MYO9A: variants seen among roughly 807,000 people sequenced by gnomAD.
MYO9A encodes the protein unconventional myosin-IXa.
Under a neutral mutation model 293.3 loss-of-function variants are expected in MYO9A, and 103 were observed. The observed-to-expected ratio is 0.35, with a 90% confidence interval of 0.30 to 0.41. The LOEUF (loss-of-function observed/expected upper bound fraction) is 0.41. Ranked by LOEUF, MYO9A falls within the 10% of genes least tolerant of loss-of-function variation. The pLI, the probability that MYO9A is intolerant of heterozygous loss-of-function variation, is 1.00. For synonymous variants in MYO9A, 1,001 were observed against 1,035.7 expected, an observed-to-expected ratio of 0.97 and a Z score of 0.64; for missense variants, 2,685 against 3,033.0, an observed-to-expected ratio of 0.89 and a Z score of 2.69.
At position 72,084,378 on chromosome 15, in the gene MYO9A, G is replaced by A. The variant is rs892842841; in HGVS notation, c.-72+33302C>T. 1.3e-4 allele frequency among the ~76,000 whole-genome samples: 20 copies of A among 151,802 alleles called. 1 individual carries two copies. The highest frequency in any genetic ancestry group is 1.3e-3 in the Admixed American group (20 of 15,236). Reference sequence around the variant, plus strand: ...TCCATCCCTCTATTTTGAGCCCATGGGTGTCACTGCATAGGAGATGCACTA... The same window carrying A: ...TCCATCCCTCTATTTTGAGCCCATGAGTGTCACTGCATAGGAGATGCACTA... On this transcript the variant is annotated intron_variant, in intron 1 of 41. Transcript: ENST00000356056.
rs759338389 is a variant in MYO9A, at chr15:71,826,679, T to TG, written c.7547dup (p.Glu2517ArgfsTer28). ...TGCGGCCAGACATGACTGTCCCCTC[T>TG]GGGGTCTCTTTGGTTTTCTGAGGTG... On this transcript the variant is annotated frameshift_variant, in exon 42 of 42. Coordinates refer to ENST00000356056, the MANE Select transcript of MYO9A (RefSeq NM_006901.4). LOFTEE classifies it high-confidence loss of function. 11 of 1,614,124 alleles carry TG rather than the reference T, an allele frequency of 6.8e-6. No homozygotes were observed. The South Asian group carries it at 1.2e-4, about 18-fold the overall frequency.
At chr15:72,085,255 T>C (rs1432299787) in intron 1 of MYO9A, among the ~76,000 whole-genome samples, 1 of 152,124 alleles carries the variant, frequency 6.6e-6, no homozygotes, top group East Asian at 1.9e-4. Flanking sequence ...TAGCTGGGTG[T>C]GGTGGCACAG....
chr15:72,002,659 A>T (rs2076901991), intron 8 of MYO9A, among the ~76,000 whole-genome samples: 1 of 152,244 alleles, frequency 6.6e-6, no homozygotes, highest in Non-Finnish European at 1.5e-5. Flanking sequence ...GAAAACATGC[A>T]AAACTATGTA....
At chr15:71,938,800 T>C in intron 16 of MYO9A, 52 bp downstream of exon 16, 1 of 1,421,500 alleles carries the variant, frequency 7.0e-7, no homozygotes, top group Non-Finnish European at 9.7e-7. Flanking sequence ...TCAATAAGAA[T>C]GTTAGTTATT....
chr15:72,050,667 T>C (rs1566985832), intron 1 of MYO9A, among the ~76,000 whole-genome samples: 1 of 152,084 alleles, frequency 6.6e-6, no homozygotes, highest in African/African-American at 2.4e-5. Flanking sequence ...AAATGTACAT[T>C]ACCAGGCTCA....
In MYO9A at chr15:71,864,615, G is replaced by A. The variant is rs79412597; in HGVS notation, c.5980-2004C>T. On this transcript the variant is annotated intron_variant, in intron 32 of 41. Transcript: ENST00000356056. ...CAACTGATAAAAGGATAAATAAAAC[G>A]TGACATATCCATGCAATGGAATTCT... Among the ~76,000 whole-genome samples the A allele has an allele frequency of 0.031, 4,739 of 152,200 alleles. 558 individuals carry two copies. The East Asian group carries it at 0.4, about 13-fold the overall frequency.
rs2056936784 is a variant in MYO9A, at chr15:71,883,582, G to A, written c.5398+12C>T. 2 of 1,602,694 alleles carry A rather than the reference G, an allele frequency of 1.2e-6. No individual in the cohort carries two copies. The highest frequency in any genetic ancestry group is 1.7e-6 in the Non-Finnish European group (2 of 1,176,632). On this transcript the variant is annotated intron_variant, in intron 28 of 41. Transcript: ENST00000356056. ...ATTATGAACACAAGTTCCACCCTTT[G>A]GTCACTTTTACCATCTGGAAACTGA...
At chr15:71,860,954 T>TA (rs2056091553) in intron 33 of MYO9A, among the ~76,000 whole-genome samples, 1 of 75,832 alleles carries the variant, frequency 1.3e-5, no homozygotes, top group African/African-American at 5.4e-5. Context: ...GCAACAAAGT[T>TA]AGACTCCATC....
intron 39 of MYO9A, among the ~76,000 whole-genome samples, chr15:71,843,164 C>T (rs991641280): frequency 5.9e-5 from 9 of 152,158 alleles, no homozygotes; most frequent in East Asian, 1.9e-4. Context: ...CATGGTGGCT[C>T]ATGCCTGTAA....
intron 3 of MYO9A, among the ~76,000 whole-genome samples, chr15:72,031,206 A>G (rs529764269): frequency 6.6e-6 from 1 of 152,318 alleles, no homozygotes; most frequent in East Asian, 1.9e-4. Flanking sequence ...GTTGGGGACC[A>G]CTGCAGTAAG....
At chr15:71,986,738 T>C (rs774938739) in intron 11 of MYO9A, among the ~76,000 whole-genome samples, 4 of 152,170 alleles carry the variant, frequency 2.6e-5, no homozygotes, top group Non-Finnish European at 5.9e-5. Flanking sequence ...GTACAATGTG[T>C]TTGTGTTTTA....
At chr15:72,041,893 G>C (rs1297321462) in intron 2 of MYO9A, among the ~76,000 whole-genome samples, 1 of 148,814 alleles carries the variant, frequency 6.7e-6, no homozygotes, top group Non-Finnish European at 1.5e-5. Context: ...AAAAAAAACA[G>C]TAATAATAAT....
At chr15:71,913,677 A>G (rs2057926571) in intron 19 of MYO9A, among the ~76,000 whole-genome samples, 2 of 151,708 alleles carry the variant, frequency 1.3e-5, no homozygotes, top group African/African-American at 2.4e-5. Flanking sequence ...TGTGTTTTAC[A>G]TTGTTGGATT....
chr15:72,011,254 C>A (rs1367518315), intron 6 of MYO9A, among the ~76,000 whole-genome samples: 2 of 151,910 alleles, frequency 1.3e-5, no homozygotes, highest in African/African-American at 4.8e-5. Flanking sequence ...TCAAGCAGTC[C>A]ACCCACCTAG....
intron 14 of MYO9A, chr15:71,958,724 T>C (rs906672197): frequency 1.3e-5 from 2 of 152,170 alleles, no homozygotes; most frequent in Non-Finnish European, 2.9e-5. Context: ...AGCTCTGTAC[T>C]AGCCAGAAGG....
chr15:71,871,934 G>T (rs912650879), intron 32 of MYO9A, among the ~76,000 whole-genome samples: 5 of 151,474 alleles, frequency 3.3e-5, no homozygotes, highest in African/African-American at 9.7e-5. Flanking sequence ...ATATATAAAT[G>T]ATTTTATACG....
intron 13 of MYO9A, among the ~76,000 whole-genome samples, chr15:71,966,263 CAA>C (rs1421050708): frequency 4.6e-4 from 19 of 41,448 alleles, no homozygotes; most frequent in African/African-American, 1.6e-3. Context: ...ATATCCCAGG[CAA>C]GTGTGTGTGT....
chr15:72,052,631 C>G (rs1190368154), intron 1 of MYO9A, among the ~76,000 whole-genome samples: 1 of 152,222 alleles, frequency 6.6e-6, no homozygotes, highest in Non-Finnish European at 1.5e-5. Context: ...CTTTGGGGCT[C>G]TACGGTTCCT....
chr15:71,879,062 G>A (rs755037891), intron 30 of MYO9A, among the ~76,000 whole-genome samples: 3 of 151,982 alleles, frequency 2.0e-5, no homozygotes, highest in Non-Finnish European at 4.4e-5. Context: ...GCCAAGTAGA[G>A]TATAAATTAA....
Sources: gnomAD v4.1 joint callset for allele counts (sites outside exome capture counted in the v4.1 genomes callset) on GRCh38, gnomAD v4.1.1 for gene constraint, MANE v1.5 for transcripts, NCBI Gene and HGNC (gene_info 2026-07-23, HGNC 2026-07-21) for gene names.